Variants in RBFOX1 observed in about 807,000 individuals in gnomAD.
The protein encoded by RBFOX1 is RNA binding protein fox-1 homolog 1.
Under a neutral mutation model 57.7 loss-of-function variants are expected in RBFOX1, and 8 were observed. The ratio of observed to expected loss-of-function variants is 0.14; its 90% CI spans 0.08 to 0.25. The LOEUF (loss-of-function observed/expected upper bound fraction) is 0.25, where lower values mean the gene tolerates loss of function less well. Among genes scored for constraint, RBFOX1 ranks in the 10% least tolerant of loss-of-function variants. RBFOX1 has a pLI of 1.00. For synonymous variants in RBFOX1, 326 were observed against 222.4 expected, an observed-to-expected ratio of 1.47 and a Z score of -4.15; for missense variants, 611 against 548.5, an observed-to-expected ratio of 1.11 and a Z score of -1.14.
chr16:6,563,163 G>A (rs931563497), intron 2 of RBFOX1, among the ~76,000 whole-genome samples: 1 of 151,980 alleles, frequency 6.6e-6, no homozygotes, highest in African/African-American at 2.4e-5. Context: ...CTGTGTTGTC[G>A]TCCTTTGTGA....
intron 1 of RBFOX1, among the ~76,000 whole-genome samples, chr16:6,273,401 A>T (rs1364943907): frequency 2.9e-5 from 4 of 139,402 alleles, no homozygotes; most frequent in African/African-American, 1.1e-4. Flanking sequence ...CTGGAGTGCA[A>T]TGACAAAATC....
chr16:6,699,527 G>A (rs967867891), intron 3 of RBFOX1, among the ~76,000 whole-genome samples: 2 of 152,104 alleles, frequency 1.3e-5, no homozygotes. Context: ...ACCTATCAAC[G>A]CTGACTGGTT....
chr16:6,927,932 C>T (rs1256389086), intron 3 of RBFOX1, among the ~76,000 whole-genome samples: 1 of 152,274 alleles, frequency 6.6e-6, no homozygotes, highest in Non-Finnish European at 1.5e-5. Flanking sequence ...GATATAATGG[C>T]ATTGGTCATA....
intron 1 of RBFOX1, among the ~76,000 whole-genome samples, chr16:6,146,970 C>T (rs975673548): frequency 1.6e-4 from 24 of 152,094 alleles, no homozygotes; most frequent in Admixed American, 9.2e-4. Context: ...AGCTCCTCCT[C>T]CTCCCACTGG....
chr16:6,443,054 T>C (rs935838122), intron 2 of RBFOX1, among the ~76,000 whole-genome samples: 2 of 152,176 alleles, frequency 1.3e-5, no homozygotes, highest in Non-Finnish European at 2.9e-5. Flanking sequence ...TTTGGAAATA[T>C]TGCTTTAATA....
chr16:6,070,650 C>A (rs575234062), intron 1 of RBFOX1, among the ~76,000 whole-genome samples: 1 of 149,572 alleles, frequency 6.7e-6, no homozygotes, highest in South Asian at 2.1e-4. Flanking sequence ...ACTGAGTAAT[C>A]AAAGTTTAGC....
chr16:5,779,792 C>G (rs7204002), intron 3 of RBFOX1, among the ~76,000 whole-genome samples: 50,795 of 152,044 alleles, frequency 0.33, 9,219 homozygotes, highest in East Asian at 0.56. Flanking sequence ...CAGGAGGCCA[C>G]GACTGTCTTG....
At chr16:6,289,014 C>T (rs763699817) in intron 1 of RBFOX1, among the ~76,000 whole-genome samples, 2 of 152,070 alleles carry the variant, frequency 1.3e-5, no homozygotes, top group Non-Finnish European at 2.9e-5. Flanking sequence ...AGTGTGTCTC[C>T]AGAATCTGAA....
At chr16:6,556,271 T>G (rs60144800) in intron 2 of RBFOX1, among the ~76,000 whole-genome samples, 16,779 of 152,152 alleles carry the variant, frequency 0.11, 2,461 homozygotes, top group African/African-American at 0.34. Flanking sequence ...AAAAGGCATC[T>G]TTGTCAGTCA....
chr16:5,594,924 G>A (rs994506915), intron 2 of RBFOX1, among the ~76,000 whole-genome samples: 1 of 147,506 alleles, frequency 6.8e-6, no homozygotes, highest in African/African-American at 2.5e-5. Context: ...TTGAGGTCAG[G>A]AGTTGGAGAC....
chr16:6,881,500 C>G (rs1482560539), intron 3 of RBFOX1, among the ~76,000 whole-genome samples: 1 of 152,104 alleles, frequency 6.6e-6, no homozygotes, highest in Non-Finnish European at 1.5e-5. Context: ...ACATAGAGAG[C>G]CTGTGTATCT....
chr16:7,454,125 C>T (rs1452008113), intron 4 of RBFOX1, among the ~76,000 whole-genome samples: 3 of 152,180 alleles, frequency 2.0e-5, no homozygotes, highest in African/African-American at 7.2e-5. Context: ...CCCAGCTACT[C>T]AGGAGGCTAA....
At chr16:5,449,801 TC>T in intron 1 of RBFOX1, among the ~76,000 whole-genome samples, 1 of 151,908 alleles carries the variant, frequency 6.6e-6, no homozygotes, top group East Asian at 1.9e-4. Flanking sequence ...AGAGACAGAG[TC>T]TCACTATGTT....
chr16:6,396,878 AT>A (rs1302045192), intron 2 of RBFOX1, among the ~76,000 whole-genome samples: 1 of 152,240 alleles, frequency 6.6e-6, no homozygotes, highest in African/African-American at 2.4e-5. Context: ...ATAACTAGTT[AT>A]ATAAAAATGA....
At chr16:6,303,609 G>A (rs2079086879) in intron 1 of RBFOX1, among the ~76,000 whole-genome samples, 1 of 151,926 alleles carries the variant, frequency 6.6e-6, no homozygotes, top group Non-Finnish European at 1.5e-5. Flanking sequence ...ATGCCATTGT[G>A]TATTGTTGAC....
chr16:6,237,835 T>A (rs142606480), intron 1 of RBFOX1, among the ~76,000 whole-genome samples: 2 of 152,134 alleles, frequency 1.3e-5, no homozygotes, highest in African/African-American at 4.8e-5. Flanking sequence ...GGCACACACC[T>A]GTAATCCCAG....
chr16:6,036,874 A>G (rs897991066), intron 1 of RBFOX1, among the ~76,000 whole-genome samples: 1 of 152,254 alleles, frequency 6.6e-6, no homozygotes, highest in Non-Finnish European at 1.5e-5. Flanking sequence ...ACAAAAAAGT[A>G]AGAGCCCATC....
intron 14 of RBFOX1, among the ~76,000 whole-genome samples, chr16:7,699,191 G>T (rs1352776740): frequency 6.6e-6 from 1 of 152,068 alleles, no homozygotes; most frequent in Non-Finnish European, 1.5e-5. Flanking sequence ...GATCAATCAG[G>T]GACCTTTTCT....
At chr16:5,354,282 T>G (rs2065333828) in intron 1 of RBFOX1, among the ~76,000 whole-genome samples, 1 of 152,208 alleles carries the variant, frequency 6.6e-6, no homozygotes, top group Non-Finnish European at 1.5e-5. Context: ...AGAACTGTAT[T>G]GGTTGGACCA....
Sources: allele counts gnomAD v4.1 joint callset (sites outside exome capture counted in the v4.1 genomes callset), GRCh38; gene constraint gnomAD v4.1.1; transcripts MANE v1.5; gene names NCBI Gene and HGNC (gene_info 2026-07-23, HGNC 2026-07-21).